Variants in FBLN7 observed in about 807,000 individuals in gnomAD.
FBLN7 encodes the protein fibulin-7.
A neutral mutation model predicts 44.0 loss-of-function variants in FBLN7; 31 were observed. That is an observed-to-expected ratio of 0.70 (90% confidence interval 0.53 to 0.95). The LOEUF (loss-of-function observed/expected upper bound fraction) is 0.95, where lower values mean the gene tolerates loss of function less well. Among genes scored for constraint, FBLN7 ranks in the 40% least tolerant of loss-of-function variants. The pLI is 0.00. For synonymous variants in FBLN7, 262 were observed against 253.4 expected, an observed-to-expected ratio of 1.03 and a Z score of -0.32; for missense variants, 573 against 618.5, an observed-to-expected ratio of 0.93 and a Z score of 0.78.
chr2:112,171,830 T>C (rs544447165), intron 3 of FBLN7, among the ~76,000 whole-genome samples: 223 of 152,352 alleles, frequency 1.5e-3, no homozygotes, highest in African/African-American at 5.2e-3. Context: ...CACTGCAAGC[T>C]CTGCCTCCTG....
chr2:112,195,010 C>G, the FBLN7 span, among the ~76,000 whole-genome samples: 1 of 152,132 alleles, frequency 6.6e-6, no homozygotes, highest in Non-Finnish European at 1.5e-5. Context: ...GAGTCAAGAC[C>G]AATTCATGGA....
chr2:112,214,490 A>G, the FBLN7 span: 30 of 152,052 alleles, frequency 2.0e-4, no homozygotes, highest in Non-Finnish European at 3.2e-4. Flanking sequence ...TATATATATT[A>G]TATATGCTTG....
At chr2:112,208,558 C>T in the FBLN7 span, among the ~76,000 whole-genome samples, 2 of 151,934 alleles carry the variant, frequency 1.3e-5, no homozygotes, top group Non-Finnish European at 2.9e-5. Flanking sequence ...TTGATCCATC[C>T]ACTTCTTCCT....
chr2:112,162,853 A>G (rs779277505), intron 2 of FBLN7, among the ~76,000 whole-genome samples: 5 of 152,126 alleles, frequency 3.3e-5, no homozygotes, highest in African/African-American at 4.8e-5. Flanking sequence ...TTCATCCCCA[A>G]AGAGACCCTA....
At chr2:112,163,279 C>T (rs1168764805) in intron 2 of FBLN7, among the ~76,000 whole-genome samples, 4 of 152,238 alleles carry the variant, frequency 2.6e-5, no homozygotes, top group Non-Finnish European at 1.5e-5. Context: ...TTAATGGCCT[C>T]TGGTCCAGGA....
chr2:112,187,338 T>C lies in FBLN7; in HGVS notation c.1152T>C (p.Phe384=), dbSNP rs1558899494. 1 of 1,614,132 alleles carries C rather than the reference T, an allele frequency of 6.2e-7. No individual in the cohort carries two copies. The highest frequency in any genetic ancestry group is 1.1e-5 in the South Asian group (1 of 91,082). Residue 384 remains phenylalanine (F), a synonymous_variant, in exon 8 of 8, where the codon TTT becomes TTC. Coordinates refer to ENST00000331203, the MANE Select transcript of FBLN7 (RefSeq NM_153214.3). This position sits in a 1 kb window ranked among gnomAD's most constrained non-coding sequence, Gnocchi z 5.1. ...TGGGTGGGAACAGCCGCGGCCACTT[T>C]GTGATGCAGCGTTCAGACCGGCAGA... ...GIVGGNSRGH[F]VMQRSDRQTG... is the part of the protein sequence containing the mutation.
chr2:112,240,548 C>A, the FBLN7 span: 4 of 152,152 alleles, frequency 2.6e-5, no homozygotes, highest in African/African-American at 9.7e-5. Context: ...TCTGTCTGCA[C>A]AAAACACATA....
At chr2:112,179,750 C>A (rs1024505639) in intron 4 of FBLN7, among the ~76,000 whole-genome samples, 20 of 152,178 alleles carry the variant, frequency 1.3e-4, no homozygotes, top group Non-Finnish European at 2.9e-5. Context: ...GAAAAGACTC[C>A]TATTCAATAA....
At chr2:112,184,341 G>A (rs1267501223) in intron 6 of FBLN7, among the ~76,000 whole-genome samples, 6 of 152,158 alleles carry the variant, frequency 3.9e-5, no homozygotes, top group African/African-American at 1.4e-4. Context: ...GTGGCTCCCC[G>A]GTGACATCCC....
intron 2 of FBLN7, among the ~76,000 whole-genome samples, chr2:112,163,085 A>G (rs1681960190): frequency 6.6e-6 from 1 of 152,182 alleles, no homozygotes; most frequent in Non-Finnish European, 1.5e-5. Context: ...ATGGGCAGAT[A>G]TTCCCCAATC....
intron 1 of FBLN7, chr2:112,151,246 G>C (rs913998427): frequency 2.6e-5 from 4 of 152,158 alleles, no homozygotes; most frequent in African/African-American, 9.7e-5. Flanking sequence ...CAGGGTCCGG[G>C]GTCTTGGAGT....
chr2:112,140,200 G>A (rs1199335415), intron 1 of FBLN7, among the ~76,000 whole-genome samples: 11 of 123,740 alleles, frequency 8.9e-5, no homozygotes, highest in African/African-American at 3.5e-4. Context: ...CTCTCTCCAG[G>A]CCAGTGTCCC....
the FBLN7 span, chr2:112,214,950 A>T: frequency 6.6e-6 from 1 of 152,176 alleles, no homozygotes; most frequent in Non-Finnish European, 1.5e-5. Flanking sequence ...AACCTACTCT[A>T]TTTGACTTCT....
the FBLN7 span, among the ~76,000 whole-genome samples, chr2:112,223,762 G>C: frequency 3.7e-4 from 56 of 152,260 alleles, no homozygotes; most frequent in South Asian, 0.011. Flanking sequence ...ATTAAAGAAA[G>C]CAAAGTTGGT....
chr2:112,232,515 T>C, the FBLN7 span, among the ~76,000 whole-genome samples: 3 of 152,280 alleles, frequency 2.0e-5, no homozygotes, highest in African/African-American at 7.2e-5. Flanking sequence ...GCATGTTTCA[T>C]ATATGAAAGG....
chr2:112,181,305 A>G (rs1682979191), intron 4 of FBLN7, among the ~76,000 whole-genome samples: 1 of 152,192 alleles, frequency 6.6e-6, no homozygotes, highest in Non-Finnish European at 1.5e-5. Flanking sequence ...AAACCTTCAC[A>G]TGTTGAAGGT....
At chr2:112,161,976 C>T (rs892992037) in intron 2 of FBLN7, among the ~76,000 whole-genome samples, 3 of 152,124 alleles carry the variant, frequency 2.0e-5, no homozygotes, top group African/African-American at 7.2e-5. Context: ...TGGAGGAAAG[C>T]CAGACACCTG....
downstream of FBLN7, chr2:112,189,641 G>A (rs13408503): frequency 1.3e-5 from 2 of 152,138 alleles, no homozygotes; most frequent in African/African-American, 4.8e-5. Context: ...GGGGCTTTAA[G>A]ACTTTTTATC....
At chr2:112,155,875 C>T (rs972292752) in intron 1 of FBLN7, among the ~76,000 whole-genome samples, 1 of 152,204 alleles carries the variant, frequency 6.6e-6, no homozygotes, top group African/African-American at 2.4e-5. Context: ...CTTCCTGGAG[C>T]CCCAGGCCAT....
Sources: gnomAD v4.1 joint callset for allele counts (sites outside exome capture counted in the v4.1 genomes callset) on GRCh38, gnomAD v4.1.1 for gene constraint, Gnocchi (gnomAD v3.1) non-coding constraint, MANE v1.5 for transcripts, NCBI Gene and HGNC (gene_info 2026-07-23, HGNC 2026-07-21) for gene names.